Variants in NCOA2 observed in about 807,000 individuals in gnomAD.
NCOA2 encodes nuclear receptor coactivator 2, also known as class E basic helix-loop-helix protein 75.
Under a neutral mutation model 145.1 loss-of-function variants are expected in NCOA2, and 21 were observed. That is an observed-to-expected ratio of 0.14 (90% CI 0.10 to 0.21). The LOEUF (loss-of-function observed/expected upper bound fraction) is 0.21. Among genes scored for constraint, NCOA2 ranks in the 10% least tolerant of loss-of-function variants. The probability of loss-of-function intolerance (pLI) is 1.00; values close to 1 mark genes in which losing one functional copy is unlikely to be tolerated. For synonymous variants in NCOA2, 619 were observed against 637.5 expected, an observed-to-expected ratio of 0.97 and a Z score of 0.44; for missense variants, 1,472 against 1,837.6, an observed-to-expected ratio of 0.80 and a Z score of 3.64.
At position 70,156,779 on chromosome 8, in the gene NCOA2, T is replaced by C. The variant is rs1236806568; in HGVS notation, c.1586A>G (p.Tyr529Cys). The C allele has an allele frequency of 1.9e-6, 3 of 1,613,976 alleles. No individual in the cohort carries two copies. The highest frequency in any genetic ancestry group is 2.7e-5 in the African/African-American group (2 of 75,032). Residue 529 changes from tyrosine (Y) to cysteine (C), a missense_variant, in exon 11 of 23, where the codon TAT becomes TGT. Coordinates refer to ENST00000452400, the MANE Select transcript of NCOA2 (RefSeq NM_006540.4). The stretch of plus-strand genomic sequence containing the variant: ...AAGTGCATTGAGGGAGCTGTTGGTA[T>C]AACTATGGCTATTTCCTGTGCTGCT... ...VCSSTGNSHS[Y>C]TNSSLNALQA...
At chr8:70,152,955 G>A in intron 11 of NCOA2, among the ~76,000 whole-genome samples, 1 of 152,168 alleles carries the variant, frequency 6.6e-6, no homozygotes, top group East Asian at 1.9e-4. Context: ...CAATAAGTTT[G>A]TACAGCAATC....
intron 1 of NCOA2, among the ~76,000 whole-genome samples, chr8:70,343,299 T>C (rs1052529760): frequency 6.6e-6 from 1 of 152,134 alleles, no homozygotes; most frequent in Non-Finnish European, 1.5e-5. Context: ...ATACATAATA[T>C]CCTTCCTAGA....
chr8:70,361,803 TA>T (rs1249943980), intron 1 of NCOA2, among the ~76,000 whole-genome samples: 17 of 152,252 alleles, frequency 1.1e-4, no homozygotes, highest in African/African-American at 4.1e-4. Flanking sequence ...CTAAATGGGC[TA>T]AATATTTTAA....
At chr8:70,240,977 T>G (rs1171774848) in intron 2 of NCOA2, among the ~76,000 whole-genome samples, 1 of 152,128 alleles carries the variant, frequency 6.6e-6, no homozygotes, top group Non-Finnish European at 1.5e-5. Flanking sequence ...GTCCAGATAG[T>G]GAAAGAGGCT....
the NCOA2 span, among the ~76,000 whole-genome samples, chr8:70,417,246 A>T: frequency 2.6e-4 from 13 of 50,860 alleles, no homozygotes; most frequent in Non-Finnish European, 4.4e-4. Context: ...CGTCTCTATT[A>T]AAAAAAAAAA....
At chr8:70,276,635 T>G (rs1350802367) in intron 2 of NCOA2, among the ~76,000 whole-genome samples, 1 of 152,224 alleles carries the variant, frequency 6.6e-6, no homozygotes, top group African/African-American at 2.4e-5. Context: ...TTCTCTCGCC[T>G]GCTGCCTTGT....
At chr8:70,127,939 C>A (rs1249729486) in intron 18 of NCOA2, among the ~76,000 whole-genome samples, 1 of 152,194 alleles carries the variant, frequency 6.6e-6, no homozygotes, top group Non-Finnish European at 1.5e-5. Context: ...CTTAAACTGG[C>A]TCCCAGGCAT....
At chr8:70,369,254 C>T (rs1005718195) in intron 1 of NCOA2, among the ~76,000 whole-genome samples, 7 of 152,106 alleles carry the variant, frequency 4.6e-5, no homozygotes, top group Admixed American at 1.3e-4. Context: ...TTTAAACATA[C>T]GAAACATTTG....
intron 4 of NCOA2, among the ~76,000 whole-genome samples, chr8:70,202,508 C>T (rs1817999524): frequency 6.6e-6 from 1 of 151,928 alleles, no homozygotes; most frequent in Admixed American, 6.6e-5. Flanking sequence ...CTTATTCAGG[C>T]TTAAAAAAAG....
At position 70,162,653 on chromosome 8, in the gene NCOA2, T is replaced by G. The variant is rs1050307576; in HGVS notation, c.976+58A>C. The G allele has an allele frequency of 9.1e-6, 14 of 1,534,956 alleles. No individual in the cohort carries two copies. The African/African-American group carries it at 1.8e-4, about 19-fold the overall frequency. ...TCCCAAGGTGAACTCCAGGAATCAT[T>G]GACAGAAAGCTCCCACAGGAAGCAA... On this transcript the variant is annotated intron_variant, in intron 9 of 22. Coordinates refer to ENST00000452400, the MANE Select transcript of NCOA2 (RefSeq NM_006540.4).
At chr8:70,266,918 T>A in intron 2 of NCOA2, among the ~76,000 whole-genome samples, 1 of 152,250 alleles carries the variant, frequency 6.6e-6, no homozygotes, top group East Asian at 1.9e-4. Context: ...GGAGTTCATT[T>A]ATTCCACAGG....
intron 2 of NCOA2, among the ~76,000 whole-genome samples, chr8:70,292,799 CG>C (rs1343476533): frequency 1.3e-5 from 2 of 152,156 alleles, no homozygotes; most frequent in Non-Finnish European, 2.9e-5. Flanking sequence ...CTAAGCTAAC[CG>C]GTTCACACTA....
In NCOA2 at chr8:70,113,511, G is replaced by T; in HGVS notation, c.*121C>A. 8.4e-7 allele frequency: 1 copy of T among 1,183,836 alleles called. No homozygotes were observed. The highest frequency in any genetic ancestry group is 1.2e-6 in the Non-Finnish European group (1 of 818,116). The allele number at this position is 1,183,836 out of a possible 1,614,324, so 73.3% of individuals were successfully genotyped here. A position where few individuals can be genotyped will look rare whatever the true frequency, so the allele number is the denominator to read the frequency against. ...CTGGGAACCAGGGCCAGGCCTGTCTGCTCTAGCAGAACCGGCTGGCAGGTC... is the reference window on the plus strand; with the variant it reads ...CTGGGAACCAGGGCCAGGCCTGTCTTCTCTAGCAGAACCGGCTGGCAGGTC... On this transcript the variant is annotated 3_prime_UTR_variant, in exon 23 of 23. Transcript: ENST00000452400.
chr8:70,198,936 T>A (rs756869468), intron 4 of NCOA2, among the ~76,000 whole-genome samples: 5 of 151,958 alleles, frequency 3.3e-5, no homozygotes, highest in Non-Finnish European at 7.4e-5. Flanking sequence ...GGACGGACAA[T>A]GAAACTGTAA....
At chr8:70,206,172 A>T (rs1415661068) in intron 4 of NCOA2, among the ~76,000 whole-genome samples, 1 of 152,236 alleles carries the variant, frequency 6.6e-6, no homozygotes, top group Non-Finnish European at 1.5e-5. Flanking sequence ...GCATTAAGTC[A>T]TTAGTGACAA....
At position 70,403,759 on chromosome 8, in the gene NCOA2, G is replaced by A. The variant is rs1484025268; in HGVS notation, c.-136C>T. The A allele has an allele frequency of 1.0e-5, 4 of 397,738 alleles. No homozygotes were observed. The South Asian group carries it at 3.8e-4, about 38-fold the overall frequency. 24.6% of individuals were successfully genotyped at this position (397,738 alleles called of 1,614,324 possible). ...GCCGTCGGCGCTGACCTTCGCCGCC[G>A]AAGCTGTAGCCGAGGCTGCGGCCGC... is the stretch of plus-strand genomic sequence containing the variant. On this transcript the variant is annotated 5_prime_UTR_variant, in exon 1 of 23. Coordinates refer to ENST00000452400, the MANE Select transcript of NCOA2 (RefSeq NM_006540.4).
intron 12 of NCOA2, among the ~76,000 whole-genome samples, chr8:70,146,667 T>TA (rs1225293058): frequency 6.6e-6 from 1 of 151,682 alleles, no homozygotes; most frequent in Non-Finnish European, 1.5e-5. Flanking sequence ...TAACCTCCCC[T>TA]AGGGCTAATG....
intron 1 of NCOA2, among the ~76,000 whole-genome samples, chr8:70,384,923 G>A (rs1468162606): frequency 6.6e-6 from 1 of 152,138 alleles, no homozygotes. Flanking sequence ...AAAATGTTAA[G>A]GGATTGTAAT....
chr8:70,344,753 C>A (rs950845369), intron 1 of NCOA2, among the ~76,000 whole-genome samples: 1 of 152,172 alleles, frequency 6.6e-6, no homozygotes, highest in African/African-American at 2.4e-5. Flanking sequence ...TGTCTCACAA[C>A]ATCAGTCAGG....
Sources: gnomAD v4.1 joint callset for allele counts (sites outside exome capture counted in the v4.1 genomes callset) on GRCh38, gnomAD v4.1.1 for gene constraint, MANE v1.5 for transcripts, NCBI Gene and HGNC (gene_info 2026-07-23, HGNC 2026-07-21) for gene names.